DAPK1: variants seen among roughly 807,000 people sequenced by gnomAD.
DAPK1 encodes the protein death-associated protein kinase 1.
In DAPK1, 56 loss-of-function variants were observed where a neutral mutation model predicts 144.9. The observed-to-expected ratio is 0.39, with a 90% CI of 0.31 to 0.48. DAPK1 has a LOEUF of 0.48. Among genes scored for constraint, DAPK1 ranks in the 20% least tolerant of loss-of-function variants. The pLI, the probability that DAPK1 is intolerant of heterozygous loss-of-function variation, is 0.95. For synonymous variants in DAPK1, 690 were observed against 749.0 expected, an observed-to-expected ratio of 0.92 and a Z score of 1.29; for missense variants, 1,454 against 1,875.4, an observed-to-expected ratio of 0.78 and a Z score of 4.15.
chr9:87,606,114 T>C (rs1460408657), intron 3 of DAPK1, among the ~76,000 whole-genome samples: 2 of 152,178 alleles, frequency 1.3e-5, no homozygotes, highest in Non-Finnish European at 2.9e-5. Flanking sequence ...GTCCCCTTCT[T>C]TGCGATCCAA....
In DAPK1 at chr9:87,585,341, C is replaced by T. The variant is rs956626995; in HGVS notation, c.63-19613C>T. ...ACCAGTGGTTATACTAACAGGAATT[C>T]GCTAAACAGGGCTGAATGGAGACTT... On this transcript the variant is annotated intron_variant, in intron 2 of 25. Coordinates refer to ENST00000408954, the MANE Select transcript of DAPK1 (RefSeq NM_004938.4). Among the ~76,000 whole-genome samples, 28 of 152,148 alleles carry T rather than the reference C, an allele frequency of 1.8e-4. 1 individual carries two copies. Among genetic ancestry groups the T allele is most frequent in the African/African-American group, 5.8e-4 (24 of 41,454 alleles).
intron 2 of DAPK1, among the ~76,000 whole-genome samples, chr9:87,602,754 C>T (rs1192291052): frequency 1.3e-5 from 2 of 152,156 alleles, no homozygotes; most frequent in Non-Finnish European, 2.9e-5. Flanking sequence ...CTGCCTCAGC[C>T]TCCTGAGTAG....
chr9:87,586,847 C>T (rs116685990), intron 2 of DAPK1, among the ~76,000 whole-genome samples: 145 of 152,262 alleles, frequency 9.5e-4, no homozygotes, highest in African/African-American at 3.2e-3. Context: ...ATAGTCTAAA[C>T]GTAGCTAATA....
intron 3 of DAPK1, chr9:87,633,245 C>A: frequency 3.1e-6 from 3 of 982,712 alleles, no homozygotes; most frequent in Non-Finnish European, 3.6e-6. Context: ...GAATATGAGT[C>A]CATATGTAGA....
At chr9:87,695,435 G>T (rs1039902839) in intron 21 of DAPK1, among the ~76,000 whole-genome samples, 5 of 152,218 alleles carry the variant, frequency 3.3e-5, no homozygotes, top group Non-Finnish European at 5.9e-5. Flanking sequence ...CACAGTCCTG[G>T]CAGGATGTGG....
chr9:87,630,716 G>A (rs946131581), intron 3 of DAPK1, among the ~76,000 whole-genome samples: 2 of 152,138 alleles, frequency 1.3e-5, no homozygotes, highest in African/African-American at 2.4e-5. Flanking sequence ...GAACACAACC[G>A]AGGCTCTGCC....
At chr9:87,522,238 T>C (rs893551791) in intron 2 of DAPK1, among the ~76,000 whole-genome samples, 3 of 152,240 alleles carry the variant, frequency 2.0e-5, no homozygotes, top group African/African-American at 7.2e-5. Context: ...CAGGTCCCTT[T>C]ACATCTTTTA....
At chr9:87,547,313 T>C (rs984338279) in intron 2 of DAPK1, among the ~76,000 whole-genome samples, 7 of 152,236 alleles carry the variant, frequency 4.6e-5, no homozygotes, top group Admixed American at 2.0e-4. Flanking sequence ...AACCTGTTAC[T>C]GGCTTCCAGA....
At chr9:87,584,740 G>A (rs1430057556) in intron 2 of DAPK1, among the ~76,000 whole-genome samples, 2 of 152,150 alleles carry the variant, frequency 1.3e-5, no homozygotes, top group East Asian at 3.9e-4. Context: ...GCAGTGGCAT[G>A]ATCTCAGTTC....
At chr9:87,571,498 A>AACACACACACAC (rs768913480) in intron 2 of DAPK1, among the ~76,000 whole-genome samples, 1,060 of 46,462 alleles carry the variant, frequency 0.023, 129 homozygotes, top group African/African-American at 0.038. Context: ...CACACACCCC[A>AACACACACACAC]ACACACACAC....
intron 2 of DAPK1, among the ~76,000 whole-genome samples, chr9:87,561,301 C>A (rs907722111): frequency 1.3e-5 from 2 of 151,998 alleles, no homozygotes; most frequent in Non-Finnish European, 2.9e-5. Context: ...CCAAGGCGGG[C>A]GGATCACGAG....
chr9:87,672,223 C>T (rs1411089286), intron 19 of DAPK1, among the ~76,000 whole-genome samples: 1 of 152,144 alleles, frequency 6.6e-6, no homozygotes, highest in Non-Finnish European at 1.5e-5. Flanking sequence ...TGGCTGGGCA[C>T]CCTGAGTGTC....
intron 18 of DAPK1, among the ~76,000 whole-genome samples, chr9:87,664,154 C>T (rs896003330): frequency 5.3e-5 from 8 of 152,178 alleles, no homozygotes; most frequent in African/African-American, 1.9e-4. Context: ...TGGGGCTCCT[C>T]TGCCTTCAGG....
At chr9:87,591,491 TAAAGC>T (rs1828132398) in intron 2 of DAPK1, among the ~76,000 whole-genome samples, 1 of 152,156 alleles carries the variant, frequency 6.6e-6, no homozygotes, top group African/African-American at 2.4e-5. Flanking sequence ...TAGGAACCCA[TAAAGC>T]ATTGAGTCAA....
intron 2 of DAPK1, among the ~76,000 whole-genome samples, chr9:87,539,316 C>G (rs1347519824): frequency 6.6e-6 from 1 of 151,918 alleles, no homozygotes; most frequent in African/African-American, 2.4e-5. Context: ...CGGTAGTCCT[C>G]TCTTATCCTT....
At chr9:87,677,376 AC>A (rs1045854525) in intron 19 of DAPK1, among the ~76,000 whole-genome samples, 86 of 152,072 alleles carry the variant, frequency 5.7e-4, no homozygotes, top group Non-Finnish European at 1.5e-4. Context: ...TCTGTAGTTG[AC>A]CATGGTTCGA....
At chr9:87,569,756 T>A (rs142503889) in intron 2 of DAPK1, among the ~76,000 whole-genome samples, 37 of 152,346 alleles carry the variant, frequency 2.4e-4, no homozygotes, top group African/African-American at 8.7e-4. Context: ...TAATCTTGTG[T>A]TAAGTTTCTT....
At chr9:87,593,451 T>C (rs1272274727) in intron 2 of DAPK1, among the ~76,000 whole-genome samples, 1 of 152,238 alleles carries the variant, frequency 6.6e-6, no homozygotes, top group African/African-American at 2.4e-5. Context: ...TTCTTTGTTC[T>C]TCCTCTCATG....
chr9:87,649,940 A>G lies in DAPK1; in HGVS notation c.1448A>G (p.His483Arg), dbSNP rs778693801. Residue 483 changes from histidine (H) to arginine (R), a missense_variant, in exon 16 of 26, where the codon CAC becomes CGC. His to Arg is a conservative substitution (Grantham distance 29). Transcript: ENST00000408954. ...GGCCAGGAAGAAGAAACCCCCCTGC[A>G]CTGTGCTGCTTGGCACGGCTATTAC... ...IQDKEEETPLHCAAWHGYYSV... is the reference protein window; with the variant it reads ...IQDKEEETPLRCAAWHGYYSV... The G allele has an allele frequency of 6.2e-7, 1 of 1,614,130 alleles. No individual in the cohort carries two copies. Among genetic ancestry groups the G allele is most frequent in the South Asian group, 1.1e-5 (1 of 91,076 alleles).
Sources: allele counts gnomAD v4.1 joint callset (sites outside exome capture counted in the v4.1 genomes callset), GRCh38; gene constraint gnomAD v4.1.1; transcripts MANE v1.5; gene names NCBI Gene and HGNC (gene_info 2026-07-23, HGNC 2026-07-21).